SNAPC1: variants seen among roughly 807,000 people sequenced by gnomAD.
SNAPC1 encodes the protein snRNA-activating protein complex subunit 1.
Under a neutral mutation model 50.1 loss-of-function variants are expected in SNAPC1, and 42 were observed. That is an observed-to-expected ratio of 0.84 (90% CI 0.65 to 1.08). The LOEUF (loss-of-function observed/expected upper bound fraction) is 1.08, where lower values mean the gene tolerates loss of function less well. SNAPC1 is among the 50% of genes least tolerant of loss of function. SNAPC1 has a pLI of 0.00. For synonymous variants in SNAPC1, 164 were observed against 144.2 expected (o/e 1.14, Z -0.98); for missense variants, 477 against 427.3 (o/e 1.12, Z -1.02).
Position 61,788,616 on chromosome 14 carries a change from A to G in SNAPC1, c.977-4191A>G, listed in dbSNP as rs143649677. On this transcript the variant is annotated intron_variant, in intron 8 of 9. Transcript: ENST00000216294. ...GAATTTCATTTATAATTAAAGATATATAAATTAAAACATGATTTTTATATT... is the reference window on the plus strand; with the variant it reads ...GAATTTCATTTATAATTAAAGATATGTAAATTAAAACATGATTTTTATATT... Among the ~76,000 whole-genome samples, 690 of 152,326 alleles carry G rather than the reference A, an allele frequency of 4.5e-3. 4 individuals carry two copies. The highest frequency in any genetic ancestry group is 0.016 in the African/African-American group (648 of 41,582).
chr14:61,764,721 C>T (rs1384183705), intron 1 of SNAPC1, among the ~76,000 whole-genome samples: 1 of 152,132 alleles, frequency 6.6e-6, no homozygotes, highest in Non-Finnish European at 1.5e-5. Context: ...GTAACATTTA[C>T]ATTTTCTAGT....
chr14:61,775,564 A>G (rs1185247898), intron 4 of SNAPC1, among the ~76,000 whole-genome samples: 1 of 152,092 alleles, frequency 6.6e-6, no homozygotes, highest in African/African-American at 2.4e-5. Context: ...TACCCTCTAT[A>G]TCTTTAATCC....
intron 1 of SNAPC1, among the ~76,000 whole-genome samples, chr14:61,766,206 G>C (rs994788685): frequency 2.0e-5 from 3 of 152,152 alleles, no homozygotes; most frequent in African/African-American, 7.2e-5. Flanking sequence ...GCTTATACTG[G>C]TCCAAGCAAG....
At chr14:61,771,737 G>A (rs2044992913) in intron 4 of SNAPC1, among the ~76,000 whole-genome samples, 2 of 152,130 alleles carry the variant, frequency 1.3e-5, no homozygotes, top group South Asian at 4.1e-4. Context: ...GGGTGTGTCT[G>A]CGATTGAGAG....
intron 5 of SNAPC1, among the ~76,000 whole-genome samples, chr14:61,777,568 A>G (rs934839339): frequency 4.6e-5 from 7 of 151,614 alleles, no homozygotes; most frequent in Non-Finnish European, 1.0e-4. Context: ...TTGTAGAGAC[A>G]GGGTCTTGCT....
intron 5 of SNAPC1, among the ~76,000 whole-genome samples, chr14:61,777,235 C>A (rs1293625881): frequency 6.6e-6 from 1 of 151,976 alleles, no homozygotes; most frequent in Non-Finnish European, 1.5e-5. Context: ...AGATGATAGT[C>A]TCGGGAAGAA....
intron 8 of SNAPC1, among the ~76,000 whole-genome samples, chr14:61,785,810 C>G (rs1212600593): frequency 6.6e-6 from 1 of 152,156 alleles, no homozygotes; most frequent in African/African-American, 2.4e-5. Context: ...TGCATTTTCA[C>G]ATAAGCAATA....
chr14:61,789,649 G>A (rs936140046), intron 8 of SNAPC1, among the ~76,000 whole-genome samples: 1 of 152,190 alleles, frequency 6.6e-6, no homozygotes, highest in Non-Finnish European at 1.5e-5. Flanking sequence ...GAAGTATAGA[G>A]TGAGGGGTCC....
chr14:61,765,094 C>G (rs1228901445), intron 1 of SNAPC1, among the ~76,000 whole-genome samples: 6 of 152,160 alleles, frequency 3.9e-5, no homozygotes, highest in African/African-American at 1.4e-4. Flanking sequence ...CTACTAATTT[C>G]AGGTCTTACA....
chr14:61,773,003 A>ACAGCC (rs2045004810), intron 4 of SNAPC1, among the ~76,000 whole-genome samples: 1 of 152,244 alleles, frequency 6.6e-6, no homozygotes, highest in Non-Finnish European at 1.5e-5. Flanking sequence ...TTGTCCTAGC[A>ACAGCC]TAGCCTGTAA....
intron 9 of SNAPC1, among the ~76,000 whole-genome samples, chr14:61,793,282 T>C (rs773233379): frequency 1.3e-5 from 2 of 152,188 alleles, no homozygotes; most frequent in Non-Finnish European, 2.9e-5. Flanking sequence ...TTGCCCAGGC[T>C]GGAGTGCGGT....
Position 61,767,239 on chromosome 14 carries a change from G to A in SNAPC1, c.316G>A (p.Glu106Lys), listed in dbSNP as rs747665400. Residue 106 changes from glutamate (E) to lysine (K), a missense_variant, in exon 3 of 10, where the codon GAA (glutamate) becomes AAA (lysine). By Grantham distance (56) the Glu-to-Lys change is moderately conservative (BLOSUM62 1). Transcript: ENST00000216294. ...CAGAGTTGCCCTGAAGGATTGGGAT[G>A]AAGTTTTAAAATTTCAGCAAGATTT... ...KIRVALKDWD[E>K]VLKFQQDLVN... The A allele has an allele frequency of 2.6e-6, 4 of 1,512,060 alleles. No individual in the cohort carries two copies. The highest frequency in any genetic ancestry group is 4.2e-5 in the Admixed American group (2 of 47,364). 93.7% of individuals were successfully genotyped at this position (1,512,060 alleles called of 1,614,324 possible).
At chr14:61,794,179 T>G (rs972458367) in intron 9 of SNAPC1, among the ~76,000 whole-genome samples, 2 of 152,136 alleles carry the variant, frequency 1.3e-5, no homozygotes. Flanking sequence ...GAAATCTTAG[T>G]CATTTTCTTC....
At chr14:61,793,099 G>C (rs890054951) in intron 9 of SNAPC1, among the ~76,000 whole-genome samples, 197 bp downstream of exon 9, 1 of 152,182 alleles carries the variant, frequency 6.6e-6, no homozygotes, top group Non-Finnish European at 1.5e-5. Flanking sequence ...ATAAATGAAT[G>C]GTATGGATAC....
intron 8 of SNAPC1, 30 bp downstream of exon 8, chr14:61,782,427 A>G (rs779675408): frequency 1.8e-5 from 28 of 1,563,072 alleles, no homozygotes; most frequent in Non-Finnish European, 2.4e-5. Flanking sequence ...CTAAGATTCA[A>G]CAAAGGAGAA....
At chr14:61,783,528 GTTTTT>G (rs577941212) in intron 8 of SNAPC1, among the ~76,000 whole-genome samples, 15 of 110,138 alleles carry the variant, frequency 1.4e-4, no homozygotes, top group African/African-American at 3.6e-4. Context: ...GTTTGGTTTG[GTTTTT>G]TTTTTTTTTT....
intron 1 of SNAPC1, among the ~76,000 whole-genome samples, 175 bp from the exon 2 acceptor site, chr14:61,766,701 T>G (rs1373992136): frequency 2.0e-5 from 3 of 152,256 alleles, no homozygotes; most frequent in Non-Finnish European, 2.9e-5. Context: ...CATGTTTACC[T>G]AGTAGTTGCC....
In SNAPC1 at chr14:61,781,339, C is replaced by T. The variant is rs562326514; in HGVS notation, c.826-908C>T. 2.6e-5 allele frequency among the ~76,000 whole-genome samples: 4 copies of T among 151,274 alleles called. No individual in the cohort carries two copies. In the South Asian group the frequency reaches 6.3e-4, roughly 24 times the overall value. On this transcript the variant is annotated intron_variant, in intron 7 of 9. Coordinates refer to ENST00000216294, the MANE Select transcript of SNAPC1 (RefSeq NM_003082.4). Reference sequence around the variant, plus strand: ...TGGTGGGCGCCAGTAGTCCCAGCTACTCGGGAGGCTAAGGCAGGAGAATGG... The same window carrying T: ...TGGTGGGCGCCAGTAGTCCCAGCTATTCGGGAGGCTAAGGCAGGAGAATGG...
At position 61,786,759 on chromosome 14, in the gene SNAPC1, G is replaced by A. The variant is rs1467954165; in HGVS notation, c.976+4362G>A. 2.0e-5 allele frequency among the ~76,000 whole-genome samples: 3 copies of A among 152,290 alleles called. 1 individual carries two copies. Among genetic ancestry groups the A allele is most frequent in the South Asian group, 2.1e-4 (1 of 4,832 alleles). The stretch of plus-strand genomic sequence containing the variant: ...AACCTGTAGTTTTTAAAAGGTAAAC[G>A]TGTACTTACCATCCGACCCAGAAAT... On this transcript the variant is annotated intron_variant, in intron 8 of 9. Transcript: ENST00000216294.
Sources: gnomAD v4.1 joint callset for allele counts (sites outside exome capture counted in the v4.1 genomes callset) on GRCh38, gnomAD v4.1.1 for gene constraint, MANE v1.5 for transcripts, NCBI Gene and HGNC (gene_info 2026-07-23, HGNC 2026-07-21) for gene names.